Variants in WWOX observed in about 807,000 individuals in gnomAD.
WWOX encodes the protein WW domain-containing oxidoreductase.
In WWOX, 69 loss-of-function variants were observed where a neutral mutation model predicts 46.2. The observed-to-expected ratio is 1.49, with a 90% CI of 1.23 to 1.82. The LOEUF is 1.82. WWOX is among the 40% of genes most tolerant of loss of function. The probability of loss-of-function intolerance (pLI) is 0.00; values close to 1 mark genes in which losing one functional copy is unlikely to be tolerated. For missense variants in WWOX, 919 were observed against 542.6 expected, an observed-to-expected ratio of 1.69 and a Z score of -6.89; for synonymous variants, 359 against 202.6, an observed-to-expected ratio of 1.77 and a Z score of -6.56.
intron 6 of WWOX, among the ~76,000 whole-genome samples, chr16:78,394,876 C>T (rs1317618808): frequency 6.6e-6 from 1 of 152,208 alleles, no homozygotes; most frequent in Non-Finnish European, 1.5e-5. Flanking sequence ...TGGGGGTCAA[C>T]TGACGCTTCC....
intron 5 of WWOX, among the ~76,000 whole-genome samples, chr16:78,385,336 C>A (rs566123884): frequency 6.6e-6 from 1 of 152,104 alleles, no homozygotes. Context: ...GGCATCGGGA[C>A]AAGAGTTTTA....
At chr16:78,304,160 C>T (rs554112750) in intron 5 of WWOX, among the ~76,000 whole-genome samples, 2 of 152,256 alleles carry the variant, frequency 1.3e-5, no homozygotes, top group South Asian at 2.1e-4. Context: ...CCTCTTCTCC[C>T]GATCAGCTGT....
At chr16:79,079,363 G>T (rs942533652) in intron 8 of WWOX, among the ~76,000 whole-genome samples, 1 of 151,992 alleles carries the variant, frequency 6.6e-6, no homozygotes, top group Admixed American at 6.6e-5. Context: ...AAAAAAATAT[G>T]ACAGAAGTGT....
intron 8 of WWOX, among the ~76,000 whole-genome samples, chr16:78,685,760 T>G (rs1358192767): frequency 1.3e-5 from 2 of 152,130 alleles, no homozygotes; most frequent in Non-Finnish European, 2.9e-5. Context: ...AGGAGTAAGA[T>G]CTTGGCTTGT....
intron 8 of WWOX, among the ~76,000 whole-genome samples, chr16:78,687,276 CCA>C (rs1038844111): frequency 2.6e-5 from 4 of 152,132 alleles, no homozygotes; most frequent in Non-Finnish European, 5.9e-5. Flanking sequence ...CTTAACATCT[CCA>C]TGTCGTAATT....
intron 8 of WWOX, among the ~76,000 whole-genome samples, chr16:78,974,346 T>G (rs543897845): frequency 6.6e-6 from 1 of 152,312 alleles, no homozygotes; most frequent in Non-Finnish European, 1.5e-5. Flanking sequence ...GTGTGTCACA[T>G]CAATAAACAT....
chr16:78,407,865 C>CA (rs2082585852), intron 6 of WWOX, among the ~76,000 whole-genome samples: 1 of 152,202 alleles, frequency 6.6e-6, no homozygotes, highest in African/African-American at 2.4e-5. Context: ...TTCCTATGGA[C>CA]ATTGATTACT....
At chr16:78,403,886 C>G (rs1000928227) in intron 6 of WWOX, among the ~76,000 whole-genome samples, 1 of 152,192 alleles carries the variant, frequency 6.6e-6, no homozygotes, top group Admixed American at 6.5e-5. Context: ...CCTTCACTTA[C>G]TTGCACTGCA....
chr16:78,104,974 T>A (rs1182295708), intron 1 of WWOX, among the ~76,000 whole-genome samples: 1 of 152,204 alleles, frequency 6.6e-6, no homozygotes, highest in Non-Finnish European at 1.5e-5. Context: ...ACCTTGGCAG[T>A]TGGGCTTCAG....
At position 78,858,310 on chromosome 16, in the gene WWOX, A is replaced by G. The variant is rs78560188; in HGVS notation, c.1057-353298A>G. Among the ~76,000 whole-genome samples the G allele has an allele frequency of 5.0e-3, 724 of 145,094 alleles. 2 individuals are homozygous for G. Among genetic ancestry groups the G allele is most frequent in the Non-Finnish European group, 8.2e-3 (547 of 66,640 alleles). ...ATCTGAGCAGCATATGCTGTACCCA[A>G]TATGTAGTCATATATATATATGTGT... On this transcript the variant is annotated intron_variant, in intron 8 of 8. Transcript: ENST00000566780.
chr16:78,264,317 A>G (rs753939965), intron 5 of WWOX, among the ~76,000 whole-genome samples: 14 of 152,116 alleles, frequency 9.2e-5, no homozygotes, highest in South Asian at 4.1e-4. Context: ...ATACATGCGG[A>G]AGAATTATGC....
chr16:78,630,962 T>A (rs1160466376), intron 8 of WWOX, among the ~76,000 whole-genome samples: 1 of 152,238 alleles, frequency 6.6e-6, no homozygotes, highest in Non-Finnish European at 1.5e-5. Context: ...GTATCTGTAC[T>A]GAAAATGTAC....
In WWOX at chr16:79,103,239, G is replaced by A. The variant is rs181060527; in HGVS notation, c.1057-108369G>A. ...AGTGTTGCCGAAGCAGCTGGACTCC[G>A]TGTTTGAAAGGTTTTCTGAAGAGGC... is the stretch of plus-strand genomic sequence containing the variant. On this transcript the variant is annotated intron_variant, in intron 8 of 8. Coordinates refer to ENST00000566780, the MANE Select transcript of WWOX (RefSeq NM_016373.4). 1.7e-4 allele frequency among the ~76,000 whole-genome samples: 26 copies of A among 152,264 alleles called. No individual in the cohort carries two copies. The East Asian group carries it at 3.3e-3, about 19-fold the overall frequency.
intron 8 of WWOX, among the ~76,000 whole-genome samples, chr16:78,523,027 G>A (rs578038018): frequency 1.3e-5 from 2 of 152,264 alleles, no homozygotes; most frequent in African/African-American, 2.4e-5. Context: ...AGCTGAGATC[G>A]TGCCACTGCC....
At chr16:78,841,730 A>G (rs550357411) in intron 8 of WWOX, among the ~76,000 whole-genome samples, 2 of 152,328 alleles carry the variant, frequency 1.3e-5, no homozygotes, top group East Asian at 3.9e-4. Flanking sequence ...CTGTCCGAGA[A>G]GTTACCTTTG....
At chr16:79,056,523 T>C (rs950954496) in intron 8 of WWOX, among the ~76,000 whole-genome samples, 4 of 152,192 alleles carry the variant, frequency 2.6e-5, no homozygotes, top group African/African-American at 7.2e-5. Context: ...TTTCTCAAGC[T>C]TTGGCACTGC....
chr16:78,998,374 G>C (rs1053409554), intron 8 of WWOX, among the ~76,000 whole-genome samples: 3 of 152,072 alleles, frequency 2.0e-5, no homozygotes, highest in Non-Finnish European at 4.4e-5. Flanking sequence ...CTTTGTACTC[G>C]GGCCCAGAGC....
At chr16:78,509,149 T>C (rs1199869799) in intron 8 of WWOX, among the ~76,000 whole-genome samples, 1 of 152,186 alleles carries the variant, frequency 6.6e-6, no homozygotes, top group East Asian at 1.9e-4. Context: ...CAATTAATAA[T>C]TGAAGCTTGC....
At chr16:79,053,861 C>T (rs921947115) in intron 8 of WWOX, among the ~76,000 whole-genome samples, 4 of 152,008 alleles carry the variant, frequency 2.6e-5, no homozygotes, top group African/African-American at 4.8e-5. Context: ...TTTGCCAGCC[C>T]GAAAACTCCA....
Sources: gnomAD v4.1 joint callset for allele counts (sites outside exome capture counted in the v4.1 genomes callset) on GRCh38, gnomAD v4.1.1 for gene constraint, MANE v1.5 for transcripts, NCBI Gene and HGNC (gene_info 2026-07-23, HGNC 2026-07-21) for gene names.